The following TAB2 variants were observed in gnomAD, a reference collection of about 807,000 sequenced individuals.
TAB2 encodes the protein TGF-beta activated kinase 1 (MAP3K7) binding protein 2.
TAB2 carries 3 observed loss-of-function variants against 65.0 expected under a neutral mutation model. That is an observed-to-expected ratio of 0.05 (90% CI 0.02 to 0.12). The LOEUF (loss-of-function observed/expected upper bound fraction) is 0.12. TAB2 is among the 10% of genes least tolerant of loss of function. The probability of loss-of-function intolerance (pLI) is 1.00; values close to 1 mark genes in which losing one functional copy is unlikely to be tolerated. For missense variants in TAB2, 623 were observed against 840.3 expected (o/e 0.74, Z 3.20); for synonymous variants, 298 against 285.1 (o/e 1.05, Z -0.46).
In TAB2 at chr6:149,409,665, G is replaced by T. The variant is rs777062560; in HGVS notation, c.2028G>T (p.Leu676Phe). The change falls in exon 7 of 7, where the codon TTG becomes TTT. Residue 676 changes from leucine (L) to phenylalanine (F), a missense_variant. This residue lies in a region of TAB2 where 56 missense variants were observed against 130.3 expected (regional missense o/e 0.43). Coordinates refer to ENST00000637181, the MANE Select transcript of TAB2 (RefSeq NM_001292034.3). ...GGAATTGTACCGCCTGTACTTTTTT[G>T]AACCATCCAGCCTTAATTCGCTGTG... ...AQWNCTACTF[L>F]NHPALIRCEQ... 23 of 1,613,978 alleles carry T rather than the reference G, an allele frequency of 1.4e-5. No homozygotes were observed. The highest frequency in any genetic ancestry group is 1.9e-5 in the Non-Finnish European group (22 of 1,179,984).
chr6:149,349,842 C>G (rs1780431720), intron 1 of TAB2, among the ~76,000 whole-genome samples: 2 of 152,170 alleles, frequency 1.3e-5, no homozygotes, highest in South Asian at 4.1e-4. Flanking sequence ...CAAATATTTA[C>G]TGAGCATCCA....
intron 1 of TAB2, among the ~76,000 whole-genome samples, chr6:149,226,350 G>C (rs1311197774): frequency 6.6e-6 from 1 of 152,098 alleles, no homozygotes. Flanking sequence ...TGACTCCAAA[G>C]AACGTGGTCC....
chr6:149,348,976 T>TA (rs1256623458), intron 1 of TAB2, among the ~76,000 whole-genome samples: 1 of 149,532 alleles, frequency 6.7e-6, no homozygotes, highest in African/African-American at 2.5e-5. Context: ...TCAAAAAATT[T>TA]AAAAAAAAAA....
chr6:149,293,630 G>A (rs2114696936), intron 1 of TAB2, among the ~76,000 whole-genome samples: 1 of 152,310 alleles, frequency 6.6e-6, no homozygotes, highest in Admixed American at 6.5e-5. Context: ...AAATGACAGG[G>A]TCCCAGTGCC....
intron 1 of TAB2, chr6:149,318,475 T>G (rs1222686916): frequency 1.3e-4 from 1 of 7,942 alleles, no homozygotes; most frequent in East Asian, 2.8e-3. Flanking sequence ...GCGGGGGTTT[T>G]GGGGACAGAC....
At chr6:149,370,485 A>G (rs1370402301) in intron 2 of TAB2, among the ~76,000 whole-genome samples, 1 of 152,164 alleles carries the variant, frequency 6.6e-6, no homozygotes, top group East Asian at 1.9e-4. Flanking sequence ...ATAATCCTAA[A>G]TGGGCACCCC....
At chr6:149,343,314 CA>C (rs140639522) in intron 1 of TAB2, among the ~76,000 whole-genome samples, 35,585 of 151,490 alleles carry the variant, frequency 0.23, 4,374 homozygotes, top group Non-Finnish European at 0.26. Flanking sequence ...ACTAAAAATG[CA>C]AAAAAATTAG....
At chr6:149,224,582 A>G (rs1322384832) in intron 1 of TAB2, among the ~76,000 whole-genome samples, 2 of 152,214 alleles carry the variant, frequency 1.3e-5, no homozygotes, top group Non-Finnish European at 2.9e-5. Context: ...TCTCACTCAG[A>G]TGACATGAAG....
intron 1 of TAB2, among the ~76,000 whole-genome samples, chr6:149,291,984 A>G (rs766841396): frequency 6.6e-6 from 1 of 152,256 alleles, no homozygotes; most frequent in Admixed American, 6.5e-5. Flanking sequence ...CCAACCCTTG[A>G]AAGTTTATAG....
intron 1 of TAB2, among the ~76,000 whole-genome samples, chr6:149,238,837 A>G (rs1356681339): frequency 1.3e-5 from 2 of 152,192 alleles, no homozygotes; most frequent in Non-Finnish European, 2.9e-5. Context: ...CATTCAAAGG[A>G]AGCTTCTTGA....
Position 149,378,652 on chromosome 6 carries a change from A to T in TAB2, c.737A>T (p.Gln246Leu), listed in dbSNP as rs1346829658. 6.2e-7 allele frequency: 1 copy of T among 1,613,524 alleles called. No individual in the cohort carries two copies. Among genetic ancestry groups the T allele is most frequent in the Non-Finnish European group, 8.5e-7 (1 of 1,180,020 alleles). Residue 246 changes from glutamine (Q) to leucine (L), a missense_variant, in exon 3 of 7, where the codon CAA becomes CTA. Gln to Leu is a moderately radical substitution (Grantham distance 113). Around this residue, in one of 3 missense-constraint regions of TAB2, gnomAD observed 550 missense variants for 665.7 expected, o/e 0.83. Coordinates refer to ENST00000637181, the MANE Select transcript of TAB2 (RefSeq NM_001292034.3). ...VSQFNPMNPQ[Q>L]VYQPSQPGPW... ...CAGTTTAATCCCATGAACCCTCAGC[A>T]AGTTTATCAGCCTTCACAGCCTGGT... is the stretch of plus-strand genomic sequence containing the variant.
At chr6:149,296,600 A>G (rs746370054) in intron 1 of TAB2, among the ~76,000 whole-genome samples, 1 of 152,220 alleles carries the variant, frequency 6.6e-6, no homozygotes, top group Non-Finnish European at 1.5e-5. Context: ...AATAATTTAG[A>G]TTAACATTAT....
intron 1 of TAB2, among the ~76,000 whole-genome samples, chr6:149,307,066 TC>T (rs1779085541): frequency 6.6e-6 from 1 of 152,084 alleles, no homozygotes; most frequent in Non-Finnish European, 1.5e-5. Flanking sequence ...AGGCTGCCCC[TC>T]CTCCAGCCCC....
chr6:149,387,712 A>G (rs1431755293), intron 3 of TAB2, among the ~76,000 whole-genome samples: 1 of 152,242 alleles, frequency 6.6e-6, no homozygotes, highest in Non-Finnish European at 1.5e-5. Flanking sequence ...AACTGAAAAC[A>G]GAACTAAAGG....
chr6:149,359,663 A>C (rs1318698814), intron 1 of TAB2, among the ~76,000 whole-genome samples: 5 of 152,106 alleles, frequency 3.3e-5, no homozygotes, highest in Admixed American at 6.5e-5. Flanking sequence ...TGATAACTAT[A>C]TCTCTCTCCT....
intron 3 of TAB2, among the ~76,000 whole-genome samples, chr6:149,381,808 A>G (rs1321247564): frequency 1.3e-5 from 2 of 151,918 alleles, no homozygotes; most frequent in African/African-American, 4.8e-5. Flanking sequence ...CCTGGGCTCA[A>G]GAGATCTGCC....
In TAB2 at chr6:149,347,457, A is replaced by T. The variant is rs539293502; in HGVS notation, c.-89-22452A>T. 2.0e-5 allele frequency among the ~76,000 whole-genome samples: 3 copies of T among 152,314 alleles called. No homozygotes were observed. In the East Asian group the frequency reaches 5.8e-4, roughly 29 times the overall value. On this transcript the variant is annotated intron_variant, in intron 1 of 6. Coordinates refer to ENST00000637181, the MANE Select transcript of TAB2 (RefSeq NM_001292034.3). ...AAATCTAGTTTTTAGTAACATAATC[A>T]TTTGCTCCCTTTAAATTTTAAATCA...
At chr6:149,266,522 G>A (rs1340580016) in intron 1 of TAB2, among the ~76,000 whole-genome samples, 1 of 152,142 alleles carries the variant, frequency 6.6e-6, no homozygotes, top group Admixed American at 6.6e-5. Context: ...AAGAGAGGAA[G>A]GCTAACGGAG....
At chr6:149,251,248 G>T (rs183807597) in intron 1 of TAB2, among the ~76,000 whole-genome samples, 7 of 152,222 alleles carry the variant, frequency 4.6e-5, no homozygotes, top group Non-Finnish European at 8.8e-5. Flanking sequence ...CTCACCACAT[G>T]ACAAGATTCT....
Sources: gnomAD v4.1 joint callset for allele counts (sites outside exome capture counted in the v4.1 genomes callset) on GRCh38, gnomAD v4.1.1 for gene constraint, gnomAD v4.1.1 regional missense constraint, MANE v1.5 for transcripts, NCBI Gene and HGNC (gene_info 2026-07-23, HGNC 2026-07-21) for gene names.